Variants in GNG12 observed in about 807,000 individuals in gnomAD.
The protein encoded by GNG12 is G protein subunit gamma 12, also known as guanine nucleotide-binding protein G(I)/G(S)/G(O) subunit gamma-12.
For missense variants in GNG12, 69 were observed against 83.8 expected (o/e 0.82, Z 0.69); for synonymous variants, 28 against 29.7 (o/e 0.94, Z 0.19).
rs1646282342 is a variant in GNG12 at position 67,710,092 on chromosome 1, ATATATATAGTTATATATATAGT to A, written c.-26-2402_-26-2381del. On this transcript the variant is annotated intron_variant, in intron 2 of 3. Transcript: ENST00000370982. Reference sequence around the variant, plus strand: ...TATATATAGTTATATATATATAGTTATATATATAGTTATATATATAGTTATATATATAGTTATATATATAGTT... The same window carrying A: ...TATATATAGTTATATATATATAGTTATATATATATAGTTATATATATAGTT... 1.4e-4 allele frequency among the ~76,000 whole-genome samples: 5 copies of A among 35,112 alleles called. 1 individual carries two copies. Among genetic ancestry groups the A allele is most frequent in the East Asian group, 1.1e-3 (2 of 1,756 alleles). The allele number at this position is 35,112 out of a possible 152,430, so 23.0% of individuals were successfully genotyped here.
intron 2 of GNG12, among the ~76,000 whole-genome samples, chr1:67,712,421 T>C (rs540764712): frequency 9.9e-5 from 15 of 152,196 alleles, no homozygotes; most frequent in Non-Finnish European, 1.9e-4. Context: ...CTGGGCACGA[T>C]GGCTCACACC....
At chr1:67,710,474 C>T (rs1411292766) in intron 2 of GNG12, among the ~76,000 whole-genome samples, 1 of 151,686 alleles carries the variant, frequency 6.6e-6, no homozygotes, top group Non-Finnish European at 1.5e-5. Flanking sequence ...GCAAGTTTTC[C>T]AGTAACTGCA....
At chr1:67,786,595 G>C (rs1308395137) in intron 1 of GNG12, among the ~76,000 whole-genome samples, 1 of 152,106 alleles carries the variant, frequency 6.6e-6, no homozygotes, top group Admixed American at 6.6e-5. Flanking sequence ...TGGCAATGTG[G>C]AAGGTGGTAG....
At chr1:67,780,041 T>C (rs1387169060) in intron 1 of GNG12, among the ~76,000 whole-genome samples, 1 of 152,220 alleles carries the variant, frequency 6.6e-6, no homozygotes, top group Admixed American at 6.5e-5. Context: ...ACCAATGGTA[T>C]TATAGTCTTA....
At chr1:67,782,890 ATG>A (rs935033115) in intron 1 of GNG12, among the ~76,000 whole-genome samples, 17 of 152,134 alleles carry the variant, frequency 1.1e-4, no homozygotes, top group African/African-American at 4.1e-4. Flanking sequence ...TGATAGAAAC[ATG>A]TGTTTTTATG....
intron 2 of GNG12, among the ~76,000 whole-genome samples, chr1:67,763,046 C>T (rs1646614756): frequency 1.4e-5 from 2 of 140,430 alleles, no homozygotes; most frequent in South Asian, 4.7e-4. Flanking sequence ...ATTTGGGTTC[C>T]TCAAATGTAA....
At position 67,789,709 on chromosome 1, in the gene GNG12, G is replaced by A. The variant is rs192528470; in HGVS notation, c.-76-12202C>T. On this transcript the variant is annotated intron_variant, in intron 1 of 3. Transcript: ENST00000370982. The stretch of plus-strand genomic sequence containing the variant: ...CGGGCAGGATGCAGCCAAGGGCACT[G>A]CCCTGAGCCTGGATCAGAAAAACAA... Among the ~76,000 whole-genome samples the A allele has an allele frequency of 1.2e-3, 186 of 152,346 alleles. 2 individuals carry two copies. Among genetic ancestry groups the A allele is most frequent in the Non-Finnish European group, 2.3e-3 (159 of 68,038 alleles).
intron 2 of GNG12, among the ~76,000 whole-genome samples, chr1:67,720,718 A>G (rs985431526): frequency 2.0e-5 from 3 of 152,240 alleles, no homozygotes; most frequent in Non-Finnish European, 4.4e-5. Flanking sequence ...GAATATATAC[A>G]TGAGCAAATA....
chr1:67,780,681 A>G (rs1368291038), intron 1 of GNG12, among the ~76,000 whole-genome samples: 1 of 152,170 alleles, frequency 6.6e-6, no homozygotes. Context: ...GCAAGTTTTG[A>G]CTTCATCTTT....
intron 2 of GNG12, among the ~76,000 whole-genome samples, chr1:67,709,936 TTATA>T (rs1304884686): frequency 5.9e-5 from 1 of 16,998 alleles, no homozygotes; most frequent in African/African-American, 2.0e-4. Flanking sequence ...ATATATATAG[TTATA>T]TATATATAGT....
At position 67,833,414 on chromosome 1, in the gene GNG12, G is replaced by C. The variant is rs1037252398; in HGVS notation, c.-147C>G. ...TCTAAGGGCTCCTGGAGACGGCTCCGACCTCTCCTCCTCCTCCTCCTCTTG... is the reference window on the plus strand; with the variant it reads ...TCTAAGGGCTCCTGGAGACGGCTCCCACCTCTCCTCCTCCTCCTCCTCTTG... On this transcript the variant is annotated 5_prime_UTR_variant, in exon 1 of 4. Transcript: ENST00000370982. 2 of 985,264 alleles carry C rather than the reference G, an allele frequency of 2.0e-6. No homozygotes were observed. The highest frequency in any genetic ancestry group is 1.1e-4 in the East Asian group (1 of 8,712). 61.0% of individuals were successfully genotyped at this position (985,264 alleles called of 1,614,324 possible).
At chr1:67,723,525 C>T (rs1259363541) in intron 2 of GNG12, among the ~76,000 whole-genome samples, 1 of 152,148 alleles carries the variant, frequency 6.6e-6, no homozygotes, top group Non-Finnish European at 1.5e-5. Flanking sequence ...TCTATGTACT[C>T]TGGTAGTTGT....
intron 1 of GNG12, among the ~76,000 whole-genome samples, chr1:67,800,434 C>T (rs975574387): frequency 4.6e-5 from 7 of 151,994 alleles, no homozygotes; most frequent in African/African-American, 1.7e-4. Flanking sequence ...AAATGTCTGC[C>T]AAATATCCAA....
chr1:67,795,453 G>A (rs1319700862), intron 1 of GNG12, among the ~76,000 whole-genome samples: 2 of 152,200 alleles, frequency 1.3e-5, no homozygotes, highest in African/African-American at 4.8e-5. Context: ...AGTACACTCT[G>A]TGGCACTCAC....
chr1:67,759,901 A>G (rs987416197), intron 2 of GNG12, among the ~76,000 whole-genome samples: 4 of 152,162 alleles, frequency 2.6e-5, no homozygotes, highest in Admixed American at 2.0e-4. Flanking sequence ...TGTCCCTCCA[A>G]ATATTCTAGG....
chr1:67,748,345 A>G (rs1024062758), intron 2 of GNG12, among the ~76,000 whole-genome samples: 2 of 152,218 alleles, frequency 1.3e-5, no homozygotes, highest in Non-Finnish European at 2.9e-5. Flanking sequence ...TCAATCAGAT[A>G]CAAAAATCAG....
chr1:67,763,118 A>AGAGAGAGAGAGAGAGAGG lies in GNG12; in HGVS notation c.-27+14339_-27+14340insCCTCTCTCTCTCTCTCTC, dbSNP rs1279246951. ...GAGAGAGAGAGAGAGAGAGAGAGAG[A>AGAGAGAGAGAGAGAGAGG]GAATCAATATGAAGTTTTACTCCTA... On this transcript the variant is annotated intron_variant, in intron 2 of 3. Transcript: ENST00000370982. Among the ~76,000 whole-genome samples, 9 of 151,808 alleles carry AGAGAGAGAGAGAGAGAGG rather than the reference A, an allele frequency of 5.9e-5. No homozygotes were observed. In the South Asian group the frequency reaches 8.4e-4, roughly 14 times the overall value.
At chr1:67,777,932 CA>C (rs1557614224) in intron 1 of GNG12, among the ~76,000 whole-genome samples, 2 of 152,132 alleles carry the variant, frequency 1.3e-5, no homozygotes, top group African/African-American at 4.8e-5. Flanking sequence ...GACTTTCTAA[CA>C]GTGGCTTTCT....
chr1:67,804,075 T>C (rs1277738630), intron 1 of GNG12, among the ~76,000 whole-genome samples: 1 of 151,988 alleles, frequency 6.6e-6, no homozygotes, highest in Non-Finnish European at 1.5e-5. Flanking sequence ...AGGTTAAAGG[T>C]TGTGGTCAAG....
Sources: allele counts gnomAD v4.1 joint callset (sites outside exome capture counted in the v4.1 genomes callset), GRCh38; gene constraint gnomAD v4.1.1; transcripts MANE v1.5; gene names NCBI Gene and HGNC (gene_info 2026-07-23, HGNC 2026-07-21).